The following INPP5A variants were observed in gnomAD, a reference collection of about 807,000 sequenced individuals.
INPP5A encodes the protein inositol polyphosphate-5-phosphatase A, also known as 43 kDa inositol polyphosphate 5-phophatase.
In INPP5A, 14 loss-of-function variants were observed where a neutral mutation model predicts 65.2. The ratio of observed to expected loss-of-function variants is 0.21; its 90% CI spans 0.14 to 0.34. INPP5A has a LOEUF of 0.34. Ranked by LOEUF, INPP5A falls within the 10% of genes least tolerant of loss-of-function variation. INPP5A has a pLI of 1.00. For missense variants in INPP5A, 431 were observed against 545.6 expected (o/e 0.79, Z 2.09); for synonymous variants, 207 against 208.3 (o/e 0.99, Z 0.05).
chr10:132,610,364 G>A (rs1450112783), intron 2 of INPP5A, among the ~76,000 whole-genome samples: 2 of 152,148 alleles, frequency 1.3e-5, no homozygotes, highest in African/African-American at 4.8e-5. Flanking sequence ...TGATGGGGGT[G>A]GGGGGTGGGG....
intron 12 of INPP5A, among the ~76,000 whole-genome samples, chr10:132,775,165 CAGAGAGGAG>C (rs2134690386): frequency 4.7e-5 from 1 of 21,236 alleles, no homozygotes; most frequent in South Asian, 2.7e-3. Flanking sequence ...GAGAGAGGGG[CAGAGAGGAG>C]GGGCAGGGAG....
intron 2 of INPP5A, among the ~76,000 whole-genome samples, chr10:132,613,335 C>G (rs2071985350): frequency 6.6e-6 from 1 of 151,948 alleles, no homozygotes; most frequent in African/African-American, 2.4e-5. Context: ...CCCGAGTCCC[C>G]CACTGAACAG....
chr10:132,604,597 T>C (rs1471557612), intron 1 of INPP5A, among the ~76,000 whole-genome samples: 1 of 152,232 alleles, frequency 6.6e-6, no homozygotes, highest in Admixed American at 6.5e-5. Flanking sequence ...TCTTGTCATA[T>C]CAATTCCTCA....
chr10:132,752,722 A>T (rs1047996917), intron 11 of INPP5A, among the ~76,000 whole-genome samples: 46 of 148,956 alleles, frequency 3.1e-4, no homozygotes, highest in African/African-American at 9.9e-4. Flanking sequence ...GCGGTGCGGC[A>T]TGGAGGGGTG....
At chr10:132,752,107 G>A (rs1254205399) in intron 11 of INPP5A, among the ~76,000 whole-genome samples, 1 of 151,700 alleles carries the variant, frequency 6.6e-6, no homozygotes, top group Non-Finnish European at 1.5e-5. Flanking sequence ...CTGGGTGGAG[G>A]CGGGTGCCCA....
rs113787651 is a variant in INPP5A at position 132,692,944 on chromosome 10, C to T, written c.370+2489C>T. ...GGTCTAGCAGATAACTTTTGCTCAA[C>T]GTAACAACAGCAACCATGTATTGGT... is the stretch of plus-strand genomic sequence containing the variant. On this transcript the variant is annotated intron_variant, in intron 5 of 15. Coordinates refer to ENST00000368594, the MANE Select transcript of INPP5A (RefSeq NM_005539.5). 4.9e-3 allele frequency among the ~76,000 whole-genome samples: 751 copies of T among 152,242 alleles called. 3 individuals carry two copies. Among genetic ancestry groups the T allele is most frequent in the African/African-American group, 0.016 (646 of 41,544 alleles).
rs924251038 is a variant in INPP5A, at chr10:132,736,303, G to A, written c.732+9398G>A. ...AGTGACAGCAGTGCCAGGCGCACCC[G>A]TCTCCACGCGGCCCGACCGCACACC... On this transcript the variant is annotated intron_variant, in intron 9 of 15. Transcript: ENST00000368594. Among the ~76,000 whole-genome samples the A allele has an allele frequency of 4.6e-5, 7 of 152,342 alleles. No individual in the cohort carries two copies. In the East Asian group the frequency reaches 7.7e-4, roughly 17 times the overall value.
Position 132,663,957 on chromosome 10 carries a change from C to T in INPP5A, c.306+13452C>T, listed in dbSNP as rs949539230. Among the ~76,000 whole-genome samples the T allele has an allele frequency of 4.6e-5, 7 of 152,218 alleles. No individual in the cohort carries two copies. The highest frequency in any genetic ancestry group is 1.4e-4 in the African/African-American group (6 of 41,456). On this transcript the variant is annotated intron_variant, in intron 4 of 15. Transcript: ENST00000368594. This position sits in a 1 kb window ranked among gnomAD's most constrained non-coding sequence, Gnocchi z 4.5. The stretch of plus-strand genomic sequence containing the variant: ...GCGGCCGACAGGCGTGATCGAGTGC[C>T]GTGTCACACGCAGCCCAGGAAACAA...
rs1404179062 is a variant in INPP5A at position 132,704,585 on chromosome 10, C to T, written c.475-3728C>T. On this transcript the variant is annotated intron_variant, in intron 6 of 15. Transcript: ENST00000368594. The surrounding 1 kb of genome is among the most constrained non-coding windows in gnomAD (Gnocchi z 4.5). ...GAGGCCCCACAGCTGGGACTTGAAC[C>T]TGGCAGCCTGGCAGTCCTGTCTTAC... 6.6e-6 allele frequency among the ~76,000 whole-genome samples: 1 copy of T among 152,240 alleles called. No homozygotes were observed. The highest frequency in any genetic ancestry group is 1.5e-5 in the Non-Finnish European group (1 of 68,040).
In INPP5A at chr10:132,575,691, C is replaced by T. The variant is rs958400171; in HGVS notation, c.76-32224C>T. Among the ~76,000 whole-genome samples the T allele has an allele frequency of 6.6e-6, 1 of 152,202 alleles. No homozygotes were observed. Among genetic ancestry groups the T allele is most frequent in the African/African-American group, 2.4e-5 (1 of 41,446 alleles). ...CTGCACCAGCTTAGACAAGGAACTC[C>T]TGACGCCTCAGCGCCTGGCCCTCAG... On this transcript the variant is annotated intron_variant, in intron 1 of 15. Coordinates refer to ENST00000368594, the MANE Select transcript of INPP5A (RefSeq NM_005539.5). The surrounding 1 kb of genome is among the most constrained non-coding windows in gnomAD (Gnocchi z 5.4).
At chr10:132,708,947 T>G (rs867399139) in intron 7 of INPP5A, among the ~76,000 whole-genome samples, 5 of 152,296 alleles carry the variant, frequency 3.3e-5, no homozygotes, top group Admixed American at 6.5e-5. Flanking sequence ...ACATCTCATT[T>G]GAATACTGTT....
In INPP5A at chr10:132,547,473, C is replaced by CG. The variant is rs2070992909; in HGVS notation, c.75+9305dup. Among the ~76,000 whole-genome samples the CG allele has an allele frequency of 6.6e-6, 1 of 152,124 alleles. No individual in the cohort carries two copies. On this transcript the variant is annotated intron_variant, in intron 1 of 15. Coordinates refer to ENST00000368594, the MANE Select transcript of INPP5A (RefSeq NM_005539.5). This position sits in a 1 kb window ranked among gnomAD's most constrained non-coding sequence, Gnocchi z 5.5. Reference sequence around the variant, plus strand: ...TAGGTGGTGTGAGGTTCTGTGAGCCCGGGCCCAGCTGCCGTGGTGAATATA... The same window carrying CG: ...TAGGTGGTGTGAGGTTCTGTGAGCCCGGGGCCCAGCTGCCGTGGTGAATATA...
chr10:132,606,405 G>A (rs570118854), intron 1 of INPP5A, among the ~76,000 whole-genome samples: 17 of 152,222 alleles, frequency 1.1e-4, no homozygotes, highest in Non-Finnish European at 2.4e-4. Context: ...GTCCCACGAG[G>A]AGGTCCCTGG....
chr10:132,735,037 G>A (rs562563643), intron 9 of INPP5A, among the ~76,000 whole-genome samples: 1 of 152,308 alleles, frequency 6.6e-6, no homozygotes, highest in African/African-American at 2.4e-5. Context: ...CCCCAGCCGT[G>A]TGGAGCAGGT....
intron 8 of INPP5A, among the ~76,000 whole-genome samples, chr10:132,713,842 C>T (rs544635830): frequency 1.3e-5 from 2 of 152,288 alleles, no homozygotes; most frequent in East Asian, 1.9e-4. Flanking sequence ...AACTGCCCAC[C>T]GTAGGGAAGC....
Position 132,547,187 on chromosome 10 carries a change from T to A in INPP5A, c.75+9016T>A, listed in dbSNP as rs2133248255. The stretch of plus-strand genomic sequence containing the variant: ...GTGCGGCCTTGGGCTGTGTTTCACC[T>A]GTCAGCCTGTCTGTGCCCAGGGAGT... On this transcript the variant is annotated intron_variant, in intron 1 of 15. Transcript: ENST00000368594. The surrounding 1 kb of genome is among the most constrained non-coding windows in gnomAD (Gnocchi z 5.5). 6.6e-6 allele frequency among the ~76,000 whole-genome samples: 1 copy of A among 152,364 alleles called. No individual in the cohort carries two copies. Among genetic ancestry groups the A allele is most frequent in the South Asian group, 2.1e-4 (1 of 4,832 alleles).
chr10:132,584,928 T>A (rs913376500), intron 1 of INPP5A, among the ~76,000 whole-genome samples: 2 of 152,170 alleles, frequency 1.3e-5, no homozygotes, highest in Non-Finnish European at 2.9e-5. Context: ...GGTTTCACTG[T>A]GTTGTCTAGA....
In INPP5A at chr10:132,538,205, C is replaced by T. The variant is rs1022519669; in HGVS notation, c.75+34C>T. Reference sequence around the variant, plus strand: ...CCCGTGCCGGCGGCAGGCCCCAAGCCCGGAACCCCCGACCCTGACCCCGGG... The same window carrying T: ...CCCGTGCCGGCGGCAGGCCCCAAGCTCGGAACCCCCGACCCTGACCCCGGG... On this transcript the variant is annotated intron_variant, in intron 1 of 15. Transcript: ENST00000368594. The surrounding 1 kb of genome is among the most constrained non-coding windows in gnomAD (Gnocchi z 4.1). 3 of 1,224,400 alleles carry T rather than the reference C, an allele frequency of 2.5e-6. No homozygotes were observed. The highest frequency in any genetic ancestry group is 3.0e-5 in the South Asian group (1 of 33,078). The allele number at this position is 1,224,400 out of a possible 1,614,324, so 75.8% of individuals were successfully genotyped here.
intron 1 of INPP5A, among the ~76,000 whole-genome samples, chr10:132,570,904 G>A (rs1337234217): frequency 6.6e-6 from 1 of 152,244 alleles, no homozygotes; most frequent in Non-Finnish European, 1.5e-5. Flanking sequence ...CTCTCAGGTC[G>A]CCTCTCATCG....
Sources: allele counts gnomAD v4.1 joint callset (sites outside exome capture counted in the v4.1 genomes callset), GRCh38; gene constraint gnomAD v4.1.1; non-coding constraint Gnocchi (gnomAD v3.1); transcripts MANE v1.5; gene names NCBI Gene and HGNC (gene_info 2026-07-23, HGNC 2026-07-21).